Variants in MAP2K6 observed in about 807,000 individuals in gnomAD.
The protein encoded by MAP2K6 is mitogen-activated protein kinase kinase 6, also known as dual specificity mitogen-activated protein kinase kinase 6.
A neutral mutation model predicts 53.7 loss-of-function variants in MAP2K6; 16 were observed. The ratio of observed to expected loss-of-function variants is 0.30; its 90% CI spans 0.20 to 0.45. The LOEUF is 0.45. Among genes scored for constraint, MAP2K6 ranks in the 20% least tolerant of loss-of-function variants. The pLI, the probability that MAP2K6 is intolerant of heterozygous loss-of-function variation, is 1.00. For missense variants in MAP2K6, 204 were observed against 411.9 expected, an observed-to-expected ratio of 0.50 and a Z score of 4.37; for synonymous variants, 132 against 143.1, an observed-to-expected ratio of 0.92 and a Z score of 0.55.
chr17:69,520,496 A>G, intron 6 of MAP2K6, 110 bp downstream of exon 6: 1 of 686,570 alleles, frequency 1.5e-6, no homozygotes, highest in Non-Finnish European at 2.6e-6. Context: ...TACTATTCGT[A>G]CATGTCTGTT....
intron 1 of MAP2K6, among the ~76,000 whole-genome samples, chr17:69,500,416 C>T (rs144941564): frequency 7.0e-6 from 1 of 142,928 alleles, no homozygotes; most frequent in African/African-American, 2.7e-5. Flanking sequence ...CCACTGCACT[C>T]CAGCCTGGGT....
At chr17:69,527,715 C>T (rs1197349657) in intron 10 of MAP2K6, among the ~76,000 whole-genome samples, 3 of 152,230 alleles carry the variant, frequency 2.0e-5, no homozygotes, top group African/African-American at 7.2e-5. Context: ...GGGAGCCGTT[C>T]TGAGTACTCA....
At chr17:69,481,956 T>C (rs1908365532) in intron 1 of MAP2K6, among the ~76,000 whole-genome samples, 1 of 152,134 alleles carries the variant, frequency 6.6e-6, no homozygotes, top group Non-Finnish European at 1.5e-5. Context: ...CTATTTTTAA[T>C]TTTTTTAAAG....
intron 4 of MAP2K6, among the ~76,000 whole-genome samples, chr17:69,518,344 T>A (rs984193191): frequency 3.3e-5 from 5 of 152,196 alleles, no homozygotes; most frequent in African/African-American, 4.8e-5. Context: ...ACGTATTGCA[T>A]TTGGCTGTTA....
At chr17:69,519,605 T>A in intron 5 of MAP2K6, 173 bp downstream of exon 5, 1 of 665,470 alleles carries the variant, frequency 1.5e-6, no homozygotes, top group Non-Finnish European at 2.4e-6. Context: ...TGGATTGAAA[T>A]TATGGTATTT....
chr17:69,533,998 G>A (rs549296323), intron 10 of MAP2K6, among the ~76,000 whole-genome samples: 1 of 152,234 alleles, frequency 6.6e-6, no homozygotes, highest in South Asian at 2.1e-4. Flanking sequence ...AAAGCACAGC[G>A]TTTCTTAATC....
chr17:69,505,240 G>A (rs1397205260), intron 1 of MAP2K6, among the ~76,000 whole-genome samples: 3 of 151,842 alleles, frequency 2.0e-5, no homozygotes, highest in Admixed American at 6.6e-5. Flanking sequence ...TCAGGAGTTC[G>A]AGACCAGCCT....
intron 1 of MAP2K6, among the ~76,000 whole-genome samples, chr17:69,439,977 G>A (rs1906764964): frequency 6.6e-6 from 1 of 152,160 alleles, no homozygotes. Flanking sequence ...GGGAAACCAA[G>A]CCTTGGAAAG....
intron 10 of MAP2K6, among the ~76,000 whole-genome samples, chr17:69,530,636 T>G (rs889891378): frequency 6.6e-6 from 1 of 152,220 alleles, no homozygotes; most frequent in Non-Finnish European, 1.5e-5. Flanking sequence ...TCAATAACTT[T>G]TTTTCCCTGC....
chr17:69,455,207 C>A (rs1296086124), intron 1 of MAP2K6, among the ~76,000 whole-genome samples: 2 of 152,072 alleles, frequency 1.3e-5, no homozygotes, highest in East Asian at 3.9e-4. Context: ...AGGATTCTGT[C>A]CACTGCATGT....
intron 2 of MAP2K6, among the ~76,000 whole-genome samples, chr17:69,513,540 A>G (rs1406864093): frequency 6.6e-6 from 1 of 152,184 alleles, no homozygotes; most frequent in Non-Finnish European, 1.5e-5. Flanking sequence ...CAAAGTTAGT[A>G]TAGGGCCAAG....
In MAP2K6 at chr17:69,551,920, GAC is replaced by G. The variant is rs1418099623; in HGVS notation, c.*10170_*10171del. 1 of 152,112 alleles carries G rather than the reference GAC, an allele frequency of 6.6e-6. No homozygotes were observed. Among genetic ancestry groups the G allele is most frequent in the Non-Finnish European group, 1.5e-5 (1 of 68,016 alleles). The allele number at this position is 152,112 out of a possible 1,614,324, so 9.4% of individuals were successfully genotyped here. A position where few individuals can be genotyped will look rare whatever the true frequency, so the allele number is the denominator to read the frequency against. The stretch of plus-strand genomic sequence containing the variant: ...ATATATTTTGTGAAAATCTTGATGA[GAC>G]ACTAGAATTTCTTTATGGAATTGAA... On this transcript the variant is annotated 3_prime_UTR_variant, in exon 12 of 12. Coordinates refer to ENST00000590474, the MANE Select transcript of MAP2K6 (RefSeq NM_002758.4).
intron 1 of MAP2K6, among the ~76,000 whole-genome samples, chr17:69,482,975 C>T (rs920616594): frequency 1.3e-5 from 2 of 151,786 alleles, no homozygotes; most frequent in African/African-American, 4.8e-5. Flanking sequence ...ATTTATTAAT[C>T]TAGTGATGAC....
chr17:69,458,662 C>G (rs1598272086), intron 1 of MAP2K6, among the ~76,000 whole-genome samples: 2 of 152,324 alleles, frequency 1.3e-5, no homozygotes, highest in Admixed American at 1.3e-4. Flanking sequence ...TAGATTTCTA[C>G]CTGGCTTTCA....
rs1908873245 is a variant in MAP2K6 at position 69,494,628 on chromosome 17, C to A, written c.17-11152C>A. Among the ~76,000 whole-genome samples, 1 of 152,104 alleles carries A rather than the reference C, an allele frequency of 6.6e-6. No individual in the cohort carries two copies. Among genetic ancestry groups the A allele is most frequent in the Non-Finnish European group, 1.5e-5 (1 of 68,020 alleles). ...AGAACGTTCCTTTGTTTCTTTATTA[C>A]CCCCTTAGTCTTCAAGCAGCTGGTT... On this transcript the variant is annotated intron_variant, in intron 1 of 11. Coordinates refer to ENST00000590474, the MANE Select transcript of MAP2K6 (RefSeq NM_002758.4). The surrounding 1 kb of genome is among the most constrained non-coding windows in gnomAD (Gnocchi z 4.2).
At chr17:69,441,275 A>G (rs1249674281) in intron 1 of MAP2K6, among the ~76,000 whole-genome samples, 1 of 152,032 alleles carries the variant, frequency 6.6e-6, no homozygotes, top group Non-Finnish European at 1.5e-5. Context: ...CAAATGTTAT[A>G]TCTGTTGTTA....
At chr17:69,500,169 C>A (rs1327541865) in intron 1 of MAP2K6, among the ~76,000 whole-genome samples, 1 of 152,074 alleles carries the variant, frequency 6.6e-6, no homozygotes, top group African/African-American at 2.4e-5. Context: ...CACAGTGGCT[C>A]ACACCTGTAA....
At chr17:69,439,181 G>A (rs1430491088) in intron 1 of MAP2K6, among the ~76,000 whole-genome samples, 2 of 152,204 alleles carry the variant, frequency 1.3e-5, no homozygotes, top group African/African-American at 2.4e-5. Context: ...CAACTTAAAT[G>A]TTCTGAGAAT....
intron 1 of MAP2K6, among the ~76,000 whole-genome samples, chr17:69,473,369 T>TG (rs1300806423): frequency 6.6e-6 from 1 of 152,208 alleles, no homozygotes; most frequent in Admixed American, 6.5e-5. Flanking sequence ...CAGTATGGTC[T>TG]TAATTTTAGG....
Sources: allele counts gnomAD v4.1 joint callset (sites outside exome capture counted in the v4.1 genomes callset), GRCh38; gene constraint gnomAD v4.1.1; non-coding constraint Gnocchi (gnomAD v3.1); transcripts MANE v1.5; gene names NCBI Gene and HGNC (gene_info 2026-07-23, HGNC 2026-07-21).